Variants in KCNQ2 observed in about 807,000 individuals in gnomAD.
The protein encoded by KCNQ2 is potassium voltage-gated channel subfamily KQT member 2.
A neutral mutation model predicts 84.8 loss-of-function variants in KCNQ2; 14 were observed. The observed-to-expected ratio is 0.17, with a 90% CI of 0.11 to 0.26. The LOEUF (loss-of-function observed/expected upper bound fraction) is 0.26, where lower values mean the gene tolerates loss of function less well. Among genes scored for constraint, KCNQ2 ranks in the 10% least tolerant of loss-of-function variants. KCNQ2 has a pLI of 1.00. For synonymous variants in KCNQ2, 599 were observed against 554.1 expected (o/e 1.08, Z -1.14); for missense variants, 788 against 1,254.0 (o/e 0.63, Z 5.61).
Position 63,401,910 on chromosome 20 carries a change from C to G in KCNQ2, c.*4734G>C. 1 of 161,720 alleles carries G rather than the reference C, an allele frequency of 6.2e-6. No individual in the cohort carries two copies. 10.0% of individuals were successfully genotyped at this position (161,720 alleles called of 1,614,324 possible). A position where few individuals can be genotyped will look rare whatever the true frequency, so the allele number is the denominator to read the frequency against. On this transcript the variant is annotated 3_prime_UTR_variant, in exon 17 of 17. Transcript: ENST00000359125. ...TCTGCCGGGCACCCTCCACCAGGTC[C>G]AAGCCTCGTGAGCCATCCCTCTCAT... is the stretch of plus-strand genomic sequence containing the variant.
intron 4 of KCNQ2, among the ~76,000 whole-genome samples, chr20:63,443,361 T>TCAC (rs1568937389): frequency 7.1e-5 from 2 of 28,256 alleles, no homozygotes; most frequent in African/African-American, 1.1e-4. Flanking sequence ...ACCACCACCA[T>TCAC]CACCATCATC....
intron 3 of KCNQ2, 69 bp downstream of exon 3, chr20:63,445,169 C>T (rs1180109443): frequency 6.8e-6 from 11 of 1,606,618 alleles, no homozygotes; most frequent in Non-Finnish European, 9.4e-6. Context: ...CCCCAGCTCC[C>T]CCCAGGGCTG....
chr20:63,437,974 T>C (rs2081054625), intron 7 of KCNQ2, among the ~76,000 whole-genome samples: 1 of 152,168 alleles, frequency 6.6e-6, no homozygotes, highest in Non-Finnish European at 1.5e-5. Context: ...CACGCCCAGC[T>C]AATTTTTGTA....
At chr20:63,413,339 G>A in intron 15 of KCNQ2, 111 bp downstream of exon 15, 2 of 1,309,032 alleles carry the variant, frequency 1.5e-6, no homozygotes, top group Non-Finnish European at 2.2e-6. Context: ...TGGGTGGGGA[G>A]GAGGCCCCGC....
chr20:63,446,878 G>A lies in KCNQ2; in HGVS notation c.297-41C>T, dbSNP rs748339693. On this transcript the variant is annotated intron_variant, in intron 1 of 16. Transcript: ENST00000359125. This position sits in a 1 kb window ranked among gnomAD's most constrained non-coding sequence, Gnocchi z 5.5. ...GCGCGCTCTCAGACAGGCCGCAGCA[G>A]GGCAGCAGCATGGCTGTGTCTCCAG... 1.9e-6 allele frequency: 3 copies of A among 1,553,950 alleles called. No individual in the cohort carries two copies. Among genetic ancestry groups the A allele is most frequent in the Middle Eastern group, 1.7e-4 (1 of 5,972 alleles).
intron 9 of KCNQ2, among the ~76,000 whole-genome samples, chr20:63,431,034 C>T (rs1452563257): frequency 3.9e-5 from 6 of 152,000 alleles, no homozygotes; most frequent in Non-Finnish European, 7.4e-5. Flanking sequence ...AACGAGACCA[C>T]GGGGGACACA....
In KCNQ2 at chr20:63,407,770, A is replaced by AG. The variant is rs2079995438; in HGVS notation, c.1888-396dup. 6.7e-6 allele frequency among the ~76,000 whole-genome samples: 1 copy of AG among 148,334 alleles called. No individual in the cohort carries two copies. On this transcript the variant is annotated intron_variant, in intron 16 of 16. Coordinates refer to ENST00000359125, the MANE Select transcript of KCNQ2 (RefSeq NM_172107.4). This position sits in a 1 kb window ranked among gnomAD's most constrained non-coding sequence, Gnocchi z 7.2. ...GGTTGCTCCCTGGAGAGGTACAGGG[A>AG]GGGGGGATCCCTGCTCCCTGGAAGC... is the stretch of plus-strand genomic sequence containing the variant.
At position 63,418,075 on chromosome 20, in the gene KCNQ2, G is replaced by A. The variant is rs184556451; in HGVS notation, c.1301+1544C>T. Among the ~76,000 whole-genome samples the A allele has an allele frequency of 3.8e-3, 583 of 152,254 alleles. 5 individuals carry two copies. Among genetic ancestry groups the A allele is most frequent in the East Asian group, 0.034 (174 of 5,166 alleles). On this transcript the variant is annotated intron_variant, in intron 12 of 16. Transcript: ENST00000359125. ...GGACCTCCACCATGACCCAAACTCT[G>A]CACCCTCCAAGCACAGCTGGTGAGG...
chr20:63,407,662 G>C lies in KCNQ2; in HGVS notation c.1888-287C>G, dbSNP rs574786588. 1.3e-5 allele frequency among the ~76,000 whole-genome samples: 2 copies of C among 151,832 alleles called. No individual in the cohort carries two copies. Among genetic ancestry groups the C allele is most frequent in the Admixed American group, 1.3e-4 (2 of 15,270 alleles). On this transcript the variant is annotated intron_variant, in intron 16 of 16. Transcript: ENST00000359125. This position sits in a 1 kb window ranked among gnomAD's most constrained non-coding sequence, Gnocchi z 7.2. ...GTCCCAGGAAATGGGGGGGACCCAG[G>C]CTGGTCCTAGGAGATGGGGGGACCT...
chr20:63,438,263 T>G lies in KCNQ2; in HGVS notation c.1023+362A>C. ...AGCCAGCATCAGGGGTCAGACGAGG[T>G]CAGGCACTGACTCACTGCAGTGTGT... On this transcript the variant is annotated intron_variant, in intron 7 of 16. Transcript: ENST00000359125. This position sits in a 1 kb window ranked among gnomAD's most constrained non-coding sequence, Gnocchi z 5.1. 2 of 375,072 alleles carry G rather than the reference T, an allele frequency of 5.3e-6. No individual in the cohort carries two copies. Among genetic ancestry groups the G allele is most frequent in the Non-Finnish European group, 1.0e-5 (2 of 197,834 alleles). The allele number at this position is 375,072 out of a possible 1,614,324, so 23.2% of individuals were successfully genotyped here.
intron 4 of KCNQ2, among the ~76,000 whole-genome samples, chr20:63,443,247 A>ATCACCAC (rs2081290215): frequency 7.4e-5 from 1 of 13,448 alleles, no homozygotes; most frequent in Non-Finnish European, 1.6e-4. Flanking sequence ...CACCACCATC[A>ATCACCAC]CATCACCATC....
intron 9 of KCNQ2, among the ~76,000 whole-genome samples, chr20:63,430,838 G>A (rs970564753): frequency 6.6e-6 from 1 of 152,228 alleles, no homozygotes. Flanking sequence ...GCTGCCCTGT[G>A]AGCCACGGTG....
intron 7 of KCNQ2, 103 bp from the exon 8 acceptor site, chr20:63,434,006 G>A (rs2080912673): frequency 1.0e-6 from 1 of 955,530 alleles, no homozygotes; most frequent in Non-Finnish European, 1.6e-6. Flanking sequence ...CCCCCATGCT[G>A]TAGGCCAGGC....
chr20:63,435,318 G>T (rs551571243), intron 7 of KCNQ2, among the ~76,000 whole-genome samples: 60 of 151,468 alleles, frequency 4.0e-4, no homozygotes, highest in Non-Finnish European at 6.9e-4. Flanking sequence ...AACCTGGCAG[G>T]TCGAGGCTGC....
intron 1 of KCNQ2, among the ~76,000 whole-genome samples, chr20:63,469,625 T>C (rs535149419): frequency 9.2e-5 from 14 of 152,328 alleles, no homozygotes; most frequent in South Asian, 2.1e-4. Context: ...CTGGTGGCAA[T>C]AGGCAAAAGG....
rs571069755 is a variant in KCNQ2 at position 63,438,854 on chromosome 20, C to A, written c.928-134G>T. The A allele has an allele frequency of 5.0e-5, 35 of 695,068 alleles. No individual in the cohort carries two copies. The highest frequency in any genetic ancestry group is 3.5e-4 in the Admixed American group (17 of 48,994). The allele number at this position is 695,068 out of a possible 1,614,324, so 43.1% of individuals were successfully genotyped here. A position where few individuals can be genotyped will look rare whatever the true frequency, so the allele number is the denominator to read the frequency against. ...GACCACACTCCAGAGACTCACACAC[C>A]CCCCAATTCATCAGGGTCAGACCAC... On this transcript the variant is annotated intron_variant, in intron 6 of 16. Coordinates refer to ENST00000359125, the MANE Select transcript of KCNQ2 (RefSeq NM_172107.4). The surrounding 1 kb of genome is among the most constrained non-coding windows in gnomAD (Gnocchi z 5.1).
At position 63,400,545 on chromosome 20, in the gene KCNQ2, C is replaced by T. The variant is rs2079787953; in HGVS notation, c.*6099G>A. The T allele has an allele frequency of 5.0e-6, 2 of 398,166 alleles. No individual in the cohort carries two copies. The highest frequency in any genetic ancestry group is 4.1e-5 in the African/African-American group (2 of 48,618). 24.7% of individuals were successfully genotyped at this position (398,166 alleles called of 1,614,324 possible). On this transcript the variant is annotated 3_prime_UTR_variant, in exon 17 of 17. Transcript: ENST00000359125. The surrounding 1 kb of genome is among the most constrained non-coding windows in gnomAD (Gnocchi z 8.7). ...GCCTGGTCACTACGGCACAAGGACA[C>T]ATACAAAATGGTCAGAAGTGTACGT...
At position 63,472,502 on chromosome 20, in the gene KCNQ2, C is replaced by T. The variant is rs1434439900; in HGVS notation, c.-39G>A. The T allele has an allele frequency of 1.4e-6, 2 of 1,399,056 alleles. No homozygotes were observed. The highest frequency in any genetic ancestry group is 1.9e-6 in the Non-Finnish European group (2 of 1,079,994). 86.7% of individuals were successfully genotyped at this position (1,399,056 alleles called of 1,614,324 possible). ...AGGCGCCCCGGGTCGGGCTCAGGCTCAGCGGGGGCGGAGCGCGGGGGGCGG... is the reference window on the plus strand; with the variant it reads ...AGGCGCCCCGGGTCGGGCTCAGGCTTAGCGGGGGCGGAGCGCGGGGGGCGG... On this transcript the variant is annotated 5_prime_UTR_variant, in exon 1 of 17. It removes the in-frame stop codon of an upstream open reading frame in the 5' UTR. Transcript: ENST00000359125.
intron 11 of KCNQ2, chr20:63,422,695 A>C (rs2080509502): frequency 6.6e-6 from 1 of 152,356 alleles, no homozygotes; most frequent in Non-Finnish European, 1.5e-5. Flanking sequence ...AAGGGCAGTA[A>C]CAGGGATTAA....
Sources: allele counts gnomAD v4.1 joint callset (sites outside exome capture counted in the v4.1 genomes callset), GRCh38; gene constraint gnomAD v4.1.1; non-coding constraint Gnocchi (gnomAD v3.1); transcripts MANE v1.5; gene names NCBI Gene and HGNC (gene_info 2026-07-23, HGNC 2026-07-21).